Variants in RPS16 observed in about 807,000 individuals in gnomAD.
RPS16 encodes the protein small ribosomal subunit protein uS9.
In RPS16, 2 loss-of-function variants were observed where a neutral mutation model predicts 20.1. That is an observed-to-expected ratio of 0.10 (90% CI 0.04 to 0.31). The LOEUF is 0.31. Ranked by LOEUF, RPS16 falls within the 10% of genes least tolerant of loss-of-function variation. The pLI is 1.00. For synonymous variants in RPS16, 95 were observed against 76.1 expected (o/e 1.25, Z -1.29); for missense variants, 129 against 198.6 (o/e 0.65, Z 2.11).
At position 39,435,885 on chromosome 19, in the gene RPS16, T is replaced by A. The variant is rs750866168; in HGVS notation, c.11A>T (p.Lys4Met). The A allele has an allele frequency of 6.2e-7, 1 of 1,606,438 alleles. No individual in the cohort carries two copies. The highest frequency in any genetic ancestry group is 1.1e-5 in the South Asian group (1 of 91,086). Residue 4 changes from lysine (K) to methionine (M), a missense_variant, in exon 1 of 5, where the codon AAG (lysine) becomes ATG (methionine). Transcript: ENST00000251453. The part of the protein sequence containing the change: MPS[K>M]GPLQSVQVFG... ...GACCTGCACAGACTGCAGCGGGCCC[T>A]TGGACGGCATGGCTCCGAGCGTGGA...
chr19:39,435,890 C>G lies in RPS16; in HGVS notation c.6G>C (p.Pro2=), dbSNP rs11555711. 1 of 1,605,976 alleles carries G rather than the reference C, an allele frequency of 6.2e-7. No homozygotes were observed. Among genetic ancestry groups the G allele is most frequent in the East Asian group, 2.2e-5 (1 of 44,884 alleles). ...GCACAGACTGCAGCGGGCCCTTGGA[C>G]GGCATGGCTCCGAGCGTGGACTAGA... The part of the protein sequence containing the change: M[P]SKGPLQSVQV... Residue 2 remains proline, a synonymous_variant, in exon 1 of 5, where the codon CCG becomes CCC. Transcript: ENST00000251453.
In RPS16 at chr19:39,435,670, A is replaced by C; in HGVS notation, c.87T>G (p.Asn29Lys). 1 of 1,614,020 alleles carries C rather than the reference A, an allele frequency of 6.2e-7. No homozygotes were observed. The highest frequency in any genetic ancestry group is 8.5e-7 in the Non-Finnish European group (1 of 1,180,034). The change falls in exon 2 of 5, where the codon AAT (asparagine) becomes AAG (lysine). Residue 29 changes from asparagine to lysine, a missense_variant. By Grantham distance (94) the Asn-to-Lys change is moderately conservative. Coordinates refer to ENST00000251453, the MANE Select transcript of RPS16 (RefSeq NM_001020.6). ...GCCGCCCGTTCACCTTGATGAGACC[A>C]TTGCCGCGTTTGCAGTGCGCCACAG... Reference protein sequence around the residue: ...ATAVAHCKRGNGLIKVNGRPL... With the variant: ...ATAVAHCKRGKGLIKVNGRPL...
chr19:39,433,946 T>C (rs766215424), intron 2 of RPS16, 185 bp from the exon 3 acceptor site: 1 of 592,774 alleles, frequency 1.7e-6, no homozygotes, highest in Admixed American at 3.0e-5. Flanking sequence ...AAGCCAGATA[T>C]GAGACTGCTG....
At chr19:39,434,154 T>C (rs1190242056) in intron 2 of RPS16, 1 of 212,124 alleles carries the variant, frequency 4.7e-6, no homozygotes, top group Non-Finnish European at 9.8e-6. Context: ...ACTGTTCAGG[T>C]GCCTTTTCTA....
Position 39,433,765 on chromosome 19 carries a change from A to C in RPS16, c.151-4T>G. On this transcript the variant is annotated splice_polypyrimidine_tract_variant and splice_region_variant and intron_variant, in intron 2 of 4. Transcript: ENST00000251453. Reference sequence around the variant, plus strand: ...GAAGCAGAACTGGCTCCAGCAGCTAAAGGAATGGGGAATGAACAGGGATTT... The same window carrying C: ...GAAGCAGAACTGGCTCCAGCAGCTACAGGAATGGGGAATGAACAGGGATTT... The C allele has an allele frequency of 1.2e-6, 2 of 1,613,420 alleles. No individual in the cohort carries two copies. The highest frequency in any genetic ancestry group is 1.7e-6 in the Non-Finnish European group (2 of 1,179,614).
At chr19:39,433,456 C>T (rs369409334) in intron 4 of RPS16, 38 bp from the exon 5 acceptor site, 33 of 1,613,188 alleles carry the variant, frequency 2.0e-5, no homozygotes, top group Non-Finnish European at 2.7e-5. Context: ...TAGATAATCA[C>T]ACAGAGTCCT....
At chr19:39,435,484 T>C (rs982867272) in intron 2 of RPS16, 123 bp downstream of exon 2, 14 of 738,374 alleles carry the variant, frequency 1.9e-5, no homozygotes, top group Non-Finnish European at 2.9e-5. Flanking sequence ...CCCACTGTTC[T>C]ACACCCAACA....
intron 2 of RPS16, chr19:39,434,793 G>A (rs1409852067): frequency 6.6e-6 from 1 of 152,204 alleles, no homozygotes; most frequent in Non-Finnish European, 1.5e-5. Context: ...TCCAGGGTAG[G>A]TGACAGCAAG....
rs868214708 is a variant in RPS16 at position 39,435,780 on chromosome 19, G to A, written c.48+68C>T. 1.7e-5 allele frequency: 27 copies of A among 1,605,472 alleles called. No homozygotes were observed. The Middle Eastern group carries it at 9.9e-4, about 59-fold the overall frequency. ...CTCCCATGTTACCCCCTAGATTCCT[G>A]CCCACCGACCTCTCCCAGACCCTGG... On this transcript the variant is annotated intron_variant, in intron 1 of 4. Coordinates refer to ENST00000251453, the MANE Select transcript of RPS16 (RefSeq NM_001020.6).
chr19:39,435,101 C>T (rs569086361), intron 2 of RPS16: 1 of 155,182 alleles, frequency 6.4e-6, no homozygotes, highest in South Asian at 1.8e-4. Context: ...GAGTTCGAGA[C>T]CACTCTGGCC....
intron 2 of RPS16, 112 bp downstream of exon 2, chr19:39,435,495 C>T: frequency 1.2e-6 from 1 of 817,720 alleles, no homozygotes. Context: ...ACACCCAACA[C>T]AACTTCTAAA....
chr19:39,433,680 C>A lies in RPS16; in HGVS notation c.232G>T (p.Val78Leu), dbSNP rs746974566. 6.2e-7 allele frequency: 1 copy of A among 1,614,232 alleles called. No individual in the cohort carries two copies. The highest frequency in any genetic ancestry group is 8.5e-7 in the Non-Finnish European group (1 of 1,180,036). ...TGGGACTCACCATAAATCTGGGCCA[C>A]GTGACCACCACCCTTTACACGGACA... ...IRVRVKGGGH[V>L]AQIYAIRQSI... is the part of the protein sequence containing the mutation. The change falls in exon 3 of 5, where the codon GTG becomes TTG. Residue 78 changes from valine to leucine, a missense_variant. By Grantham distance (32) the Val-to-Leu change is conservative (BLOSUM62 1). Transcript: ENST00000251453.
chr19:39,433,512 G>A lies in RPS16; in HGVS notation c.295+10C>T. The A allele has an allele frequency of 6.2e-7, 1 of 1,614,104 alleles. No individual in the cohort carries two copies. The highest frequency in any genetic ancestry group is 1.7e-5 in the Admixed American group (1 of 60,022). Reference sequence around the variant, plus strand: ...CATCTACCTCATGGGAAGGACCCATGCTCACTCACATTTCTGGTAATAGGC... The same window carrying A: ...CATCTACCTCATGGGAAGGACCCATACTCACTCACATTTCTGGTAATAGGC... On this transcript the variant is annotated intron_variant, in intron 4 of 4. Transcript: ENST00000251453.
chr19:39,435,516 C>T, intron 2 of RPS16, 91 bp downstream of exon 2: 1 of 1,035,382 alleles, frequency 9.7e-7, no homozygotes, highest in Non-Finnish European at 1.4e-6. Context: ...CATCCCGTTG[C>T]TGATGCCAGC....
Position 39,433,247 on chromosome 19 carries a change from C to T in RPS16, c.*26G>A. ...AATCCCTCAAAAACTGTTTATTATA[C>T]AAGTGAGTTTTGAGTCACGATGGGC... is the stretch of plus-strand genomic sequence containing the variant. On this transcript the variant is annotated 3_prime_UTR_variant, in exon 5 of 5. Transcript: ENST00000251453. 1 of 1,610,854 alleles carries T rather than the reference C, an allele frequency of 6.2e-7. No homozygotes were observed. Among genetic ancestry groups the T allele is most frequent in the Non-Finnish European group, 8.5e-7 (1 of 1,179,044 alleles).
At chr19:39,434,567 T>C (rs2078849150) in intron 2 of RPS16, 1 of 152,244 alleles carries the variant, frequency 6.6e-6, no homozygotes, top group South Asian at 2.1e-4. Flanking sequence ...CCAGGCATGG[T>C]GATCACACCT....
intron 2 of RPS16, chr19:39,435,307 TAAATA>T (rs1352588244): frequency 1.5e-5 from 5 of 329,304 alleles, no homozygotes; most frequent in Non-Finnish European, 2.0e-5. Flanking sequence ...TCAAAACAAA[TAAATA>T]AAATAAAAAA....
rs951040382 is a variant in RPS16 at position 39,435,742 on chromosome 19, G to A, written c.49-34C>T. On this transcript the variant is annotated intron_variant, in intron 1 of 4. Coordinates refer to ENST00000251453, the MANE Select transcript of RPS16 (RefSeq NM_001020.6). ...TACAAGAGAAACAGGGGCCCCGTGAGCTCCGGCTCCAGCTCCCATGTTACC... is the reference window on the plus strand; with the variant it reads ...TACAAGAGAAACAGGGGCCCCGTGAACTCCGGCTCCAGCTCCCATGTTACC... The A allele has an allele frequency of 3.1e-6, 5 of 1,609,156 alleles. No individual in the cohort carries two copies. The African/African-American group carries it at 4.0e-5, about 13-fold the overall frequency.
chr19:39,435,804 G>A (rs766395996), intron 1 of RPS16, 44 bp downstream of exon 1: 3 of 1,608,342 alleles, frequency 1.9e-6, no homozygotes, highest in African/African-American at 1.3e-5. Flanking sequence ...CCCAGACCCT[G>A]GCCTTCTCCT....
Sources: allele counts gnomAD v4.1 joint callset, GRCh38; gene constraint gnomAD v4.1.1; transcripts MANE v1.5; gene names NCBI Gene and HGNC (gene_info 2026-07-23, HGNC 2026-07-21).